Variants in GRM1 observed in about 807,000 individuals in gnomAD.
GRM1 encodes glutamate metabotropic receptor 1, also known as metabotropic glutamate receptor 1.
In GRM1, 33 loss-of-function variants were observed where a neutral mutation model predicts 90.9. The ratio of observed to expected loss-of-function variants is 0.36; its 90% CI spans 0.28 to 0.49. The LOEUF is 0.49. GRM1 is among the 20% of genes least tolerant of loss of function. The pLI is 0.99. For missense variants in GRM1, 1,190 were observed against 1,534.3 expected (o/e 0.78, Z 3.75); for synonymous variants, 700 against 613.2 (o/e 1.14, Z -2.09).
chr6:146,371,867 A>G (rs980328769), intron 5 of GRM1, among the ~76,000 whole-genome samples: 3 of 152,072 alleles, frequency 2.0e-5, no homozygotes, highest in African/African-American at 7.2e-5. Flanking sequence ...TCACCTGTTG[A>G]TGAACATTTA....
At chr6:146,131,952 T>C (rs1315010410) in intron 1 of GRM1, among the ~76,000 whole-genome samples, 1 of 152,116 alleles carries the variant, frequency 6.6e-6, no homozygotes, top group East Asian at 1.9e-4. Context: ...GAAACCTGGA[T>C]GATGAATAGG....
chr6:146,241,114 A>T (rs1284875114), intron 2 of GRM1, among the ~76,000 whole-genome samples: 2 of 152,130 alleles, frequency 1.3e-5, no homozygotes, highest in East Asian at 3.9e-4. Flanking sequence ...TTTCAAATTT[A>T]TCCATCTAAG....
chr6:146,382,873 C>T (rs1020813199), intron 5 of GRM1, among the ~76,000 whole-genome samples: 1 of 152,084 alleles, frequency 6.6e-6, no homozygotes, highest in Non-Finnish European at 1.5e-5. Flanking sequence ...ATAGTCCTTT[C>T]CTTTGAGGAG....
At chr6:146,161,759 A>C (rs553078764) in intron 2 of GRM1, among the ~76,000 whole-genome samples, 1 of 152,308 alleles carries the variant, frequency 6.6e-6, no homozygotes, top group East Asian at 1.9e-4. Context: ...TGTCTATCAA[A>C]ATGGTGTTGG....
chr6:146,203,054 C>A (rs770938828), intron 2 of GRM1, among the ~76,000 whole-genome samples: 1 of 151,778 alleles, frequency 6.6e-6, no homozygotes, highest in Non-Finnish European at 1.5e-5. Flanking sequence ...ATTAGCCGGG[C>A]GTGGTGCCGG....
intron 1 of GRM1, among the ~76,000 whole-genome samples, chr6:146,047,462 A>G (rs1791374406): frequency 6.6e-6 from 1 of 151,896 alleles, no homozygotes; most frequent in Admixed American, 6.6e-5. Flanking sequence ...AATGTTTTGC[A>G]GCTAGAGTTG....
chr6:146,316,099 C>G (rs1783956168), intron 3 of GRM1, among the ~76,000 whole-genome samples: 1 of 152,110 alleles, frequency 6.6e-6, no homozygotes, highest in Non-Finnish European at 1.5e-5. Flanking sequence ...AAGAGTCTCC[C>G]TGGGGTAACA....
upstream of GRM1, chr6:146,027,716 G>T (rs2128833059): frequency 6.6e-6 from 1 of 152,274 alleles, no homozygotes; most frequent in African/African-American, 2.4e-5. Flanking sequence ...TAGAGCTGAG[G>T]CGTCTGCAAG....
At chr6:146,214,787 T>C (rs1188204439) in intron 2 of GRM1, among the ~76,000 whole-genome samples, 1 of 152,052 alleles carries the variant, frequency 6.6e-6, no homozygotes, top group East Asian at 1.9e-4. Flanking sequence ...GAAAAATAGG[T>C]AGGACTTCAC....
intron 1 of GRM1, among the ~76,000 whole-genome samples, chr6:146,034,582 T>A (rs1790817918): frequency 6.6e-6 from 1 of 151,964 alleles, no homozygotes; most frequent in Non-Finnish European, 1.5e-5. Flanking sequence ...CATCAGTAAG[T>A]TCTGGGATTT....
intron 7 of GRM1, chr6:146,426,518 C>T (rs770861295): frequency 6.3e-7 from 1 of 1,579,278 alleles, no homozygotes; most frequent in South Asian, 1.2e-5. Context: ...ACATGTATAA[C>T]CCCCTCGCTC....
intron 7 of GRM1, among the ~76,000 whole-genome samples, chr6:146,412,257 G>A (rs767531199): frequency 1.2e-4 from 18 of 152,162 alleles, no homozygotes; most frequent in Non-Finnish European, 2.4e-4. Flanking sequence ...TATCCTAGCT[G>A]ACATATCGTT....
chr6:146,061,503 A>G (rs1472781082), intron 1 of GRM1, among the ~76,000 whole-genome samples: 1 of 152,156 alleles, frequency 6.6e-6, no homozygotes, highest in East Asian at 1.9e-4. Context: ...TGCACAGCAA[A>G]AGAAACTATC....
At chr6:146,311,876 T>G (rs1362666497) in intron 3 of GRM1, among the ~76,000 whole-genome samples, 1 of 152,182 alleles carries the variant, frequency 6.6e-6, no homozygotes, top group Admixed American at 6.5e-5. Context: ...TGCTCTATTT[T>G]CTGGAACCTT....
intron 3 of GRM1, among the ~76,000 whole-genome samples, chr6:146,349,904 C>T (rs1785334003): frequency 6.6e-6 from 1 of 152,068 alleles, no homozygotes; most frequent in South Asian, 2.1e-4. Flanking sequence ...TTATGTTAAT[C>T]TTACCCTTAA....
intron 5 of GRM1, among the ~76,000 whole-genome samples, chr6:146,368,650 A>G (rs1775789537): frequency 2.0e-5 from 3 of 151,730 alleles, no homozygotes; most frequent in South Asian, 4.2e-4. Flanking sequence ...TTTGTTCTTC[A>G]TTATGTTGAT....
At chr6:146,208,547 C>T (rs1779571024) in intron 2 of GRM1, among the ~76,000 whole-genome samples, 1 of 152,106 alleles carries the variant, frequency 6.6e-6, no homozygotes, top group South Asian at 2.1e-4. Flanking sequence ...AGATACTTAA[C>T]CTTATTTCTG....
intron 1 of GRM1, among the ~76,000 whole-genome samples, chr6:146,147,443 G>C (rs1168895973): frequency 2.0e-5 from 3 of 152,084 alleles, no homozygotes; most frequent in Non-Finnish European, 4.4e-5. Flanking sequence ...AAGACATAAG[G>C]TCTCCATAAA....
intron 4 of GRM1, among the ~76,000 whole-genome samples, chr6:146,356,261 T>C (rs1285523532): frequency 1.3e-5 from 2 of 152,196 alleles, no homozygotes; most frequent in Non-Finnish European, 2.9e-5. Flanking sequence ...TGTAGCAAAA[T>C]ATCATAAACT....
Sources: allele counts gnomAD v4.1 joint callset (sites outside exome capture counted in the v4.1 genomes callset), GRCh38; gene constraint gnomAD v4.1.1; transcripts MANE v1.5; gene names NCBI Gene and HGNC (gene_info 2026-07-23, HGNC 2026-07-21).